Variants in KDM6A observed in about 807,000 individuals in gnomAD.
The protein encoded by KDM6A is lysine-specific demethylase 6A.
KDM6A carries 11 observed loss-of-function variants against 117.6 expected under a neutral mutation model. That is an observed-to-expected ratio of 0.09 (90% CI 0.06 to 0.15). KDM6A has a LOEUF of 0.15. Among genes scored for constraint, KDM6A ranks in the 10% least tolerant of loss-of-function variants. The probability of loss-of-function intolerance (pLI) is 1.00; values close to 1 mark genes in which losing one functional copy is unlikely to be tolerated. For synonymous variants in KDM6A, 384 were observed against 396.1 expected (o/e 0.97, Z 0.36); for missense variants, 799 against 1,077.3 (o/e 0.74, Z 3.62).
chrX:45,022,048 T>G (rs1046701332), intron 6 of KDM6A, among the ~76,000 whole-genome samples: 3 of 112,420 alleles, frequency 2.7e-5, no homozygotes, highest in Non-Finnish European at 5.6e-5. Flanking sequence ...ACATGCTTAT[T>G]ATGTTGCAGA....
At chrX:45,001,261 G>A (rs926741305) in intron 4 of KDM6A, among the ~76,000 whole-genome samples, 11 of 111,794 alleles carry the variant, frequency 9.8e-5, no homozygotes, top group Admixed American at 1.9e-4. Flanking sequence ...AACTTTGAGC[G>A]TTTGAGATAA....
intron 8 of KDM6A, among the ~76,000 whole-genome samples, chrX:45,041,146 C>T (rs1386084124): frequency 1.2e-5 from 1 of 81,849 alleles, no homozygotes; most frequent in Non-Finnish European, 2.3e-5. Context: ...ACCTCCCTCC[C>T]GGACGGGGCG....
In KDM6A at chrX:44,922,027, CCTTTTTTT is replaced by C. The variant is rs1421541653; in HGVS notation, c.226-39256_226-39249del. Among the ~76,000 whole-genome samples, 76 of 37,706 alleles carry C rather than the reference CCTTTTTTT, an allele frequency of 2.0e-3. 7 individuals carry two copies. The highest frequency in any genetic ancestry group is 3.0e-3 in the South Asian group (1 of 334). 32.7% of individuals were successfully genotyped at this position (37,706 alleles called of 115,157 possible). ...ATGCTGATAAAATTCATTGTGTGTG[CCTTTTTTT>C]TTTTTTTTTTTTTTTTTTTTTTTTT... On this transcript the variant is annotated intron_variant, in intron 2 of 29. Transcript: ENST00000611820.
chrX:45,081,373 A>G (rs1209180362), intron 21 of KDM6A, among the ~76,000 whole-genome samples: 1 of 112,353 alleles, frequency 8.9e-6, no homozygotes, highest in African/African-American at 3.2e-5. Flanking sequence ...AACAGTGTTA[A>G]CAGATATCAT....
chrX:45,024,416 C>T (rs1462858647), intron 6 of KDM6A, among the ~76,000 whole-genome samples: 1 of 111,579 alleles, frequency 9.0e-6, no homozygotes, highest in Admixed American at 9.6e-5. Context: ...TCCCTATGTT[C>T]GTTGGCCATT....
At chrX:45,026,169 T>C (rs1001625853) in intron 6 of KDM6A, among the ~76,000 whole-genome samples, 1 of 112,481 alleles carries the variant, frequency 8.9e-6, no homozygotes, top group African/African-American at 3.2e-5. Flanking sequence ...TTTTTTTCTA[T>C]ACAAACTGAC....
intron 2 of KDM6A, among the ~76,000 whole-genome samples, chrX:44,897,588 A>G (rs2033998456): frequency 9.0e-6 from 1 of 110,940 alleles, no homozygotes; most frequent in African/African-American, 3.3e-5. Context: ...TTCTTTTAAG[A>G]GACAGGGTCG....
At position 45,051,703 on chromosome X, in the gene KDM6A, C is replaced by G. The variant is rs1159764420; in HGVS notation, c.655-6C>G. 4 of 1,090,730 alleles carry G rather than the reference C, an allele frequency of 3.7e-6. No individual in the cohort carries two copies. Among genetic ancestry groups the G allele is most frequent in the Non-Finnish European group, 5.1e-6 (4 of 790,860 alleles). The allele number at this position is 1,090,730 out of a possible 1,213,427, so 89.9% of individuals were successfully genotyped here. On this transcript the variant is annotated splice_region_variant and splice_polypyrimidine_tract_variant and intron_variant, in intron 8 of 29. Coordinates refer to ENST00000611820, the MANE Select transcript of KDM6A (RefSeq NM_001291415.2). Reference sequence around the variant, plus strand: ...TTTTCTCCAAATCTCTTTTTCTGTTCTTTAGAGGAAATATCATTCTGCAAA... The same window carrying G: ...TTTTCTCCAAATCTCTTTTTCTGTTGTTTAGAGGAAATATCATTCTGCAAA...
chrX:45,004,462 A>G (rs1239148721), intron 4 of KDM6A, among the ~76,000 whole-genome samples: 3 of 111,208 alleles, frequency 2.7e-5, no homozygotes, highest in Non-Finnish European at 5.7e-5. Context: ...TCAACTGTCT[A>G]TGTTTTGTAA....
At chrX:45,043,709 C>T (rs1474524616) in intron 8 of KDM6A, among the ~76,000 whole-genome samples, 1 of 110,214 alleles carries the variant, frequency 9.1e-6, no homozygotes, top group African/African-American at 3.3e-5. Context: ...CCCGGGGAGG[C>T]GGAGGTTGCA....
At chrX:44,973,193 A>T (rs1404115386) in intron 3 of KDM6A, among the ~76,000 whole-genome samples, 4 of 111,572 alleles carry the variant, frequency 3.6e-5, no homozygotes, top group African/African-American at 1.3e-4. Flanking sequence ...TTATCTGGGT[A>T]TTTGGTCCTC....
chrX:45,047,116 G>T (rs1450449861), intron 8 of KDM6A, among the ~76,000 whole-genome samples: 3 of 110,556 alleles, frequency 2.7e-5, no homozygotes, highest in African/African-American at 9.9e-5. Context: ...TTCTCTGGTT[G>T]CTTTTAAAAG....
rs775312467 is a variant in KDM6A at position 45,094,624 on chromosome X, A to G, written c.4034+3760A>G. The stretch of plus-strand genomic sequence containing the variant: ...GTTGTATGAATAACTTCAGTCTTCA[A>G]CCGCTAAAGTCATACTCAACATGGT... On this transcript the variant is annotated intron_variant, in intron 27 of 29. Transcript: ENST00000611820. Among the ~76,000 whole-genome samples, 6 of 111,945 alleles carry G rather than the reference A, an allele frequency of 5.4e-5. No individual in the cohort carries two copies. The East Asian group carries it at 1.1e-3, about 21-fold the overall frequency.
chrX:45,094,932 T>G (rs2046044692), intron 27 of KDM6A, among the ~76,000 whole-genome samples: 1 of 111,382 alleles, frequency 9.0e-6, no homozygotes, highest in Non-Finnish European at 1.9e-5. Context: ...CCAATTATGC[T>G]TTGTGTACCA....
chrX:45,044,347 A>G (rs1334972850), intron 8 of KDM6A, among the ~76,000 whole-genome samples: 2 of 112,059 alleles, frequency 1.8e-5, no homozygotes, highest in African/African-American at 6.5e-5. Context: ...TAATTTGAGC[A>G]GTTCACTATC....
chrX:44,966,871 T>C (rs76828801), intron 3 of KDM6A, among the ~76,000 whole-genome samples: 51 of 88,841 alleles, frequency 5.7e-4, no homozygotes, highest in South Asian at 1.6e-3. Flanking sequence ...CTCTCTCTCT[T>C]TTTTTTTTTT....
At chrX:44,896,372 C>T (rs1012596362) in intron 2 of KDM6A, among the ~76,000 whole-genome samples, 7 of 111,114 alleles carry the variant, frequency 6.3e-5, no homozygotes, top group African/African-American at 9.8e-5. Context: ...TCACCGCGCC[C>T]GGCCAAAAAT....
At chrX:44,916,053 A>G (rs2146835845) in intron 2 of KDM6A, among the ~76,000 whole-genome samples, 1 of 111,501 alleles carries the variant, frequency 9.0e-6, no homozygotes, top group East Asian at 2.8e-4. Flanking sequence ...GTTCTATTTT[A>G]TTAGTTATTG....
chrX:44,965,682 C>A (rs1406970569), intron 3 of KDM6A, among the ~76,000 whole-genome samples: 3 of 111,403 alleles, frequency 2.7e-5, no homozygotes, highest in Non-Finnish European at 5.7e-5. Flanking sequence ...AGTAGTAACA[C>A]CAAAGATCGG....
Sources: allele counts gnomAD v4.1 joint callset (sites outside exome capture counted in the v4.1 genomes callset), GRCh38; gene constraint gnomAD v4.1.1; transcripts MANE v1.5; gene names NCBI Gene and HGNC (gene_info 2026-07-23, HGNC 2026-07-21).